The following RORA variants were observed in gnomAD, a reference collection of about 807,000 sequenced individuals.
RORA encodes the protein nuclear receptor ROR-alpha.
In RORA, 7 loss-of-function variants were observed where a neutral mutation model predicts 69.5. The observed-to-expected ratio is 0.10, with a 90% CI of 0.06 to 0.19. The LOEUF is 0.19. RORA is among the 10% of genes least tolerant of loss of function. The pLI, the probability that RORA is intolerant of heterozygous loss-of-function variation, is 1.00. For synonymous variants in RORA, 261 were observed against 240.8 expected, an observed-to-expected ratio of 1.08 and a Z score of -0.78; for missense variants, 457 against 663.0, an observed-to-expected ratio of 0.69 and a Z score of 3.41.
intron 1 of RORA, among the ~76,000 whole-genome samples, chr15:61,020,895 G>A (rs1481016163): frequency 2.6e-5 from 4 of 152,148 alleles, no homozygotes; most frequent in Non-Finnish European, 4.4e-5. Flanking sequence ...ATTTATTGCT[G>A]CCTCTCAGTT....
intron 1 of RORA, among the ~76,000 whole-genome samples, chr15:60,881,720 C>T (rs2073682681): frequency 6.6e-6 from 1 of 152,114 alleles, no homozygotes; most frequent in East Asian, 1.9e-4. Flanking sequence ...AAAAAGTGTC[C>T]TTGAAGCAGA....
chr15:60,785,896 A>T (rs2072327827), intron 1 of RORA, among the ~76,000 whole-genome samples: 1 of 152,236 alleles, frequency 6.6e-6, no homozygotes, highest in Non-Finnish European at 1.5e-5. Context: ...TCTCCTGCAG[A>T]AGACTGTATG....
At chr15:60,671,079 T>TCCC (rs1712883633) in intron 2 of RORA, among the ~76,000 whole-genome samples, 1 of 141,842 alleles carries the variant, frequency 7.1e-6, no homozygotes, top group South Asian at 2.2e-4. Flanking sequence ...TATATATATA[T>TCCC]ATATATATAT....
At chr15:60,828,700 A>G (rs1454634030) in intron 1 of RORA, among the ~76,000 whole-genome samples, 1 of 152,200 alleles carries the variant, frequency 6.6e-6, no homozygotes, top group East Asian at 1.9e-4. Flanking sequence ...GAAAGTAATA[A>G]AAGTCAAGTC....
chr15:60,786,458 G>A (rs2072335254), intron 1 of RORA, among the ~76,000 whole-genome samples: 1 of 152,236 alleles, frequency 6.6e-6, no homozygotes, highest in Admixed American at 6.5e-5. Flanking sequence ...CTCTTTGTGA[G>A]ATGCACCTTG....
At chr15:61,120,072 G>A (rs2079088228) in intron 1 of RORA, among the ~76,000 whole-genome samples, 1 of 152,166 alleles carries the variant, frequency 6.6e-6, no homozygotes, top group Non-Finnish European at 1.5e-5. Context: ...GATCTAATGT[G>A]GATGACCGTC....
At chr15:60,941,550 G>T (rs1249950520) in intron 1 of RORA, among the ~76,000 whole-genome samples, 1 of 152,224 alleles carries the variant, frequency 6.6e-6, no homozygotes, top group South Asian at 2.1e-4. Flanking sequence ...GCCTCGGGCT[G>T]AGTTCCCTGT....
chr15:60,771,319 C>T (rs2072070509), intron 1 of RORA, among the ~76,000 whole-genome samples: 1 of 152,216 alleles, frequency 6.6e-6, no homozygotes, highest in Admixed American at 6.5e-5. Context: ...AAAGTAATCT[C>T]TTGGTCTTTT....
chr15:61,064,934 C>G (rs2140559968), intron 1 of RORA, among the ~76,000 whole-genome samples: 1 of 152,326 alleles, frequency 6.6e-6, no homozygotes, highest in Non-Finnish European at 1.5e-5. Flanking sequence ...TTAACTCACT[C>G]TTCCCCATCT....
chr15:61,200,787 A>G (rs556525759), intron 1 of RORA, among the ~76,000 whole-genome samples: 145 of 152,302 alleles, frequency 9.5e-4, no homozygotes, highest in African/African-American at 2.9e-3. Flanking sequence ...TAATGCCCCA[A>G]TCCCAAGGTA....
At chr15:60,947,451 G>T (rs1241660962) in intron 1 of RORA, among the ~76,000 whole-genome samples, 3 of 151,790 alleles carry the variant, frequency 2.0e-5, no homozygotes, top group African/African-American at 2.4e-5. Context: ...ATGGATTAAG[G>T]GCGGTGCAAG....
chr15:61,086,730 C>T (rs1438131949), intron 1 of RORA, among the ~76,000 whole-genome samples: 1 of 150,816 alleles, frequency 6.6e-6, no homozygotes, highest in Admixed American at 6.6e-5. Context: ...TTTAAAAAAT[C>T]TGTATTTCTT....
chr15:61,025,811 G>A (rs1222690785), intron 1 of RORA, among the ~76,000 whole-genome samples: 4 of 152,212 alleles, frequency 2.6e-5, no homozygotes, highest in Admixed American at 2.6e-4. Flanking sequence ...CCAAATGAGC[G>A]TTGGCAACAT....
chr15:60,887,316 G>C (rs887035111), intron 1 of RORA, among the ~76,000 whole-genome samples: 1 of 152,180 alleles, frequency 6.6e-6, no homozygotes, highest in Non-Finnish European at 1.5e-5. Flanking sequence ...ACATACTCTT[G>C]TTCCTACTCG....
chr15:61,120,031 C>T (rs910982671), intron 1 of RORA, among the ~76,000 whole-genome samples: 8 of 152,090 alleles, frequency 5.3e-5, no homozygotes, highest in Admixed American at 2.0e-4. Flanking sequence ...ACACACAGTA[C>T]GTTTTGAAGA....
chr15:60,718,215 CAG>C (rs912296837), intron 1 of RORA, among the ~76,000 whole-genome samples: 4 of 152,164 alleles, frequency 2.6e-5, no homozygotes, highest in Non-Finnish European at 4.4e-5. Context: ...CATCACTGGG[CAG>C]AGTTTTTATT....
intron 1 of RORA, among the ~76,000 whole-genome samples, chr15:60,752,431 C>T (rs1055501150): frequency 7.2e-5 from 11 of 152,104 alleles, no homozygotes; most frequent in African/African-American, 2.7e-4. Flanking sequence ...CAATTTGGTA[C>T]CTAAATAAAC....
intron 1 of RORA, among the ~76,000 whole-genome samples, chr15:60,722,933 C>T (rs946544997): frequency 6.6e-6 from 1 of 152,138 alleles, no homozygotes. Flanking sequence ...CCAAAGTAAT[C>T]CTGCAGGTGA....
intron 2 of RORA, among the ~76,000 whole-genome samples, chr15:60,571,162 C>T (rs1023068942): frequency 2.7e-5 from 4 of 150,772 alleles, no homozygotes; most frequent in East Asian, 3.9e-4. Flanking sequence ...TTTTTTTTCC[C>T]GGGGAGTGTA....
Sources: allele counts gnomAD v4.1 joint callset (sites outside exome capture counted in the v4.1 genomes callset), GRCh38; gene constraint gnomAD v4.1.1; transcripts MANE v1.5; gene names NCBI Gene and HGNC (gene_info 2026-07-23, HGNC 2026-07-21).